PIP5K1B: variants seen among roughly 807,000 people sequenced by gnomAD.
PIP5K1B encodes the protein phosphatidylinositol-4-phosphate 5-kinase type 1 beta, also known as phosphatidylinositol 4-phosphate 5-kinase type-1 beta.
PIP5K1B carries 42 observed loss-of-function variants against 67.0 expected under a neutral mutation model. The ratio of observed to expected loss-of-function variants is 0.63; its 90% CI spans 0.49 to 0.81. The LOEUF is 0.81. PIP5K1B is among the 30% of genes least tolerant of loss of function. The probability of loss-of-function intolerance (pLI) is 0.00; values close to 1 mark genes in which losing one functional copy is unlikely to be tolerated. For missense variants in PIP5K1B, 459 were observed against 646.3 expected (o/e 0.71, Z 3.14); for synonymous variants, 214 against 231.4 (o/e 0.92, Z 0.68).
intron 4 of PIP5K1B, among the ~76,000 whole-genome samples, chr9:68,860,439 T>C (rs1823002622): frequency 1.3e-5 from 2 of 152,220 alleles, no homozygotes; most frequent in African/African-American, 2.4e-5. Context: ...TTTGTACAGC[T>C]TTACCAAGAA....
chr9:68,865,720 G>A (rs939145155), intron 5 of PIP5K1B, among the ~76,000 whole-genome samples: 4 of 152,228 alleles, frequency 2.6e-5, no homozygotes, highest in Non-Finnish European at 4.4e-5. Flanking sequence ...CTAAACACTG[G>A]CACACCTGGA....
At chr9:68,841,657 A>G (rs6560392) in intron 4 of PIP5K1B, among the ~76,000 whole-genome samples, 53,026 of 152,046 alleles carry the variant, frequency 0.35, 9,413 homozygotes, top group East Asian at 0.5. Flanking sequence ...GACAAAAAAA[A>G]GGAATAAAAG....
intron 15 of PIP5K1B, among the ~76,000 whole-genome samples, chr9:68,995,662 A>C (rs941052524): frequency 6.6e-6 from 1 of 152,080 alleles, no homozygotes; most frequent in African/African-American, 2.4e-5. Context: ...AAAATTAGCT[A>C]GGCGTGGTGG....
In PIP5K1B at chr9:68,859,254, G is replaced by A. The variant is rs939100755; in HGVS notation, c.70-4583G>A. On this transcript the variant is annotated intron_variant, in intron 4 of 15. Coordinates refer to ENST00000265382, the MANE Select transcript of PIP5K1B (RefSeq NM_003558.4). ...ACCATAACATATTACCCAAATGCAA[G>A]CTGATATTCATTTTCCTCTTAGTAT... Among the ~76,000 whole-genome samples, 40 of 152,160 alleles carry A rather than the reference G, an allele frequency of 2.6e-4. 1 individual carries two copies. Among genetic ancestry groups the A allele is most frequent in the Non-Finnish European group, 8.8e-5 (6 of 68,028 alleles).
At chr9:68,755,600 A>T (rs575659654) in intron 2 of PIP5K1B, among the ~76,000 whole-genome samples, 1 of 152,342 alleles carries the variant, frequency 6.6e-6, no homozygotes, top group South Asian at 2.1e-4. Context: ...TGATATTTAC[A>T]GTTGTTTTGT....
intron 1 of PIP5K1B, among the ~76,000 whole-genome samples, chr9:68,716,882 A>G (rs1827659201): frequency 6.6e-6 from 1 of 152,246 alleles, no homozygotes; most frequent in Non-Finnish European, 1.5e-5. Context: ...AATGTGGTAT[A>G]TATACACCAT....
intron 2 of PIP5K1B, among the ~76,000 whole-genome samples, chr9:68,805,543 T>A (rs932508978): frequency 6.6e-6 from 1 of 152,166 alleles, no homozygotes; most frequent in Non-Finnish European, 1.5e-5. Flanking sequence ...ATTTTTCAGA[T>A]GAGGAAACTG....
chr9:68,777,441 T>C (rs1830974276), intron 2 of PIP5K1B, among the ~76,000 whole-genome samples: 1 of 152,232 alleles, frequency 6.6e-6, no homozygotes, highest in Non-Finnish European at 1.5e-5. Context: ...GTAAGGGGCA[T>C]GCAAATGTAG....
intron 14 of PIP5K1B, among the ~76,000 whole-genome samples, chr9:68,956,062 T>C (rs1587717044): frequency 1.3e-5 from 2 of 152,260 alleles, no homozygotes; most frequent in South Asian, 4.2e-4. Flanking sequence ...TAAGACCATA[T>C]AAAAAACATA....
intron 6 of PIP5K1B, among the ~76,000 whole-genome samples, chr9:68,886,558 A>G (rs1824487376): frequency 6.6e-6 from 1 of 152,168 alleles, no homozygotes. Flanking sequence ...AGTCTCTGCA[A>G]CTCGAGGAAA....
chr9:68,736,925 T>G (rs1828768070), intron 1 of PIP5K1B, among the ~76,000 whole-genome samples: 1 of 152,230 alleles, frequency 6.6e-6, no homozygotes, highest in African/African-American at 2.4e-5. Flanking sequence ...CAGCTGATGT[T>G]TTGTAGTTTA....
chr9:68,761,132 T>C (rs1830165288), intron 2 of PIP5K1B, among the ~76,000 whole-genome samples: 1 of 152,088 alleles, frequency 6.6e-6, no homozygotes, highest in African/African-American at 2.4e-5. Flanking sequence ...CCTTCTGATG[T>C]GGATATTTTC....
chr9:68,848,511 A>G (rs1822313680), intron 4 of PIP5K1B, among the ~76,000 whole-genome samples: 1 of 152,212 alleles, frequency 6.6e-6, no homozygotes, highest in South Asian at 2.1e-4. Context: ...CACACTCCTT[A>G]TTTGTTATTG....
intron 5 of PIP5K1B, among the ~76,000 whole-genome samples, chr9:68,867,243 C>T (rs1823405142): frequency 6.6e-6 from 1 of 152,140 alleles, no homozygotes. Context: ...TTTGGCTCTA[C>T]ACCCTCGGAC....
intron 4 of PIP5K1B, among the ~76,000 whole-genome samples, chr9:68,836,661 AGT>A (rs140528410): frequency 0.02 from 3,004 of 152,086 alleles, 94 homozygotes; most frequent in East Asian, 0.12. Context: ...CTTATTTTTA[AGT>A]GTGCATTTTT....
chr9:68,706,845 A>G (rs146800709), intron 1 of PIP5K1B, among the ~76,000 whole-genome samples: 3 of 152,052 alleles, frequency 2.0e-5, no homozygotes, highest in Non-Finnish European at 4.4e-5. Flanking sequence ...ACATTCAGCC[A>G]GAGACTTCTC....
chr9:68,759,502 A>C (rs560773695), intron 2 of PIP5K1B, among the ~76,000 whole-genome samples: 1 of 152,234 alleles, frequency 6.6e-6, no homozygotes, highest in South Asian at 2.1e-4. Flanking sequence ...AGTAACCCAA[A>C]AGAAGGCAGG....
intron 2 of PIP5K1B, among the ~76,000 whole-genome samples, chr9:68,800,035 A>C (rs1832515492): frequency 6.6e-6 from 1 of 152,252 alleles, no homozygotes; most frequent in Non-Finnish European, 1.5e-5. Context: ...ACCCAATAGC[A>C]AAAGAAAAAA....
intron 4 of PIP5K1B, among the ~76,000 whole-genome samples, chr9:68,856,543 G>T (rs889845023): frequency 6.6e-6 from 1 of 152,030 alleles, no homozygotes; most frequent in African/African-American, 2.4e-5. Flanking sequence ...ATTATTTCAC[G>T]CTGTTCTTTC....
Sources: gnomAD v4.1 joint callset for allele counts (sites outside exome capture counted in the v4.1 genomes callset) on GRCh38, gnomAD v4.1.1 for gene constraint, MANE v1.5 for transcripts, NCBI Gene and HGNC (gene_info 2026-07-23, HGNC 2026-07-21) for gene names.